The following MYPN variants were observed in gnomAD, a reference collection of about 807,000 sequenced individuals.
MYPN encodes the protein sarcomeric protein myopalladin, 145 kDa (MYOP).
Under a neutral mutation model 129.4 loss-of-function variants are expected in MYPN, and 63 were observed. That is an observed-to-expected ratio of 0.49 (90% CI 0.40 to 0.60). The LOEUF is 0.60. Ranked by LOEUF, MYPN falls within the 20% of genes least tolerant of loss-of-function variation. MYPN has a pLI of 0.00. For synonymous variants in MYPN, 629 were observed against 600.9 expected, an observed-to-expected ratio of 1.05 and a Z score of -0.68; for missense variants, 1,596 against 1,635.4, an observed-to-expected ratio of 0.98 and a Z score of 0.42.
At chr10:68,113,150 A>G (rs748076337) in intron 1 of MYPN, among the ~76,000 whole-genome samples, 1 of 152,246 alleles carries the variant, frequency 6.6e-6, no homozygotes, top group Non-Finnish European at 1.5e-5. Flanking sequence ...TCAAATTTGC[A>G]TAGTGCTCTA....
chr10:68,127,077 T>G (rs1451326022), intron 2 of MYPN, among the ~76,000 whole-genome samples: 1 of 152,092 alleles, frequency 6.6e-6, no homozygotes, highest in African/African-American at 2.4e-5. Flanking sequence ...CTCCACCTCC[T>G]GGGTTCAAGC....
At chr10:68,202,853 A>G (rs895135074) in intron 18 of MYPN, among the ~76,000 whole-genome samples, 6 of 151,254 alleles carry the variant, frequency 4.0e-5, no homozygotes, top group East Asian at 1.9e-4. Flanking sequence ...ATGTGTGTGT[A>G]TTGTGTGTGT....
chr10:68,189,347 T>G (rs1052142962), intron 13 of MYPN, among the ~76,000 whole-genome samples: 2 of 152,332 alleles, frequency 1.3e-5, no homozygotes, highest in South Asian at 2.1e-4. Flanking sequence ...CTCAAACATT[T>G]ATCTTTTTTG....
intron 6 of MYPN, among the ~76,000 whole-genome samples, chr10:68,156,173 C>T (rs1199485550): frequency 6.6e-6 from 1 of 152,152 alleles, no homozygotes; most frequent in Non-Finnish European, 1.5e-5. Flanking sequence ...TCTGCCACCA[C>T]CACCTTTTTT....
chr10:68,189,216 T>C, intron 13 of MYPN, 90 bp downstream of exon 13: 1 of 883,308 alleles, frequency 1.1e-6, no homozygotes, highest in Admixed American at 2.0e-5. Context: ...ATACGCAATG[T>C]TTTTTCTTCT....
chr10:68,116,622 G>A (rs1409784294), intron 1 of MYPN, among the ~76,000 whole-genome samples: 1 of 152,044 alleles, frequency 6.6e-6, no homozygotes, highest in East Asian at 1.9e-4. Flanking sequence ...TATAATCCCA[G>A]CCACTTGGGA....
Position 68,174,408 on chromosome 10 carries a change from C to T in MYPN, c.2316C>T (p.Thr772=). 6.2e-7 allele frequency: 1 copy of T among 1,614,138 alleles called. No individual in the cohort carries two copies. The highest frequency in any genetic ancestry group is 1.6e-4 in the Middle Eastern group (1 of 6,062). The part of the protein sequence containing the change: ...SLLVSHPSVQ[T]KSPGGLSIQN... ...TAGTGTCTCACCCCTCTGTGCAAAC[C>T]AAATCTCCAGGAGGGCTTTCCATCC... The change falls in exon 11 of 20, where the codon ACC becomes ACT. Residue 772 remains threonine (T), a synonymous_variant. Transcript: ENST00000358913.
chr10:68,091,962 A>G (rs73265231), intron 1 of MYPN, among the ~76,000 whole-genome samples: 11,671 of 151,952 alleles, frequency 0.077, 1,166 homozygotes, highest in African/African-American at 0.23. Context: ...AGTACTTGTA[A>G]TCCCAGTGCT....
In MYPN at chr10:68,180,247, G is replaced by A. The variant is rs139790159; in HGVS notation, c.2703+4786G>A. Among the ~76,000 whole-genome samples, 1,492 of 152,236 alleles carry A rather than the reference G, an allele frequency of 9.8e-3. 14 individuals carry two copies. Among genetic ancestry groups the A allele is most frequent in the Non-Finnish European group, 0.015 (1,018 of 68,016 alleles). ...AGGCTGGAGTGCAGAATGCAGTGGCGCATTCTCTGCTCACTGCAACCTTCA... is the reference window on the plus strand; with the variant it reads ...AGGCTGGAGTGCAGAATGCAGTGGCACATTCTCTGCTCACTGCAACCTTCA... On this transcript the variant is annotated intron_variant, in intron 12 of 19. Coordinates refer to ENST00000358913, the MANE Select transcript of MYPN (RefSeq NM_032578.4).
chr10:68,210,146 G>T lies in MYPN; in HGVS notation c.3794-140G>T. On this transcript the variant is annotated intron_variant, in intron 19 of 19. Transcript: ENST00000358913. ...TTTATTGTTCTCTTCTACAAACGAG[G>T]CAATTCAGACCCAGGTATAGTTATA... 3.4e-6 allele frequency: 3 copies of T among 880,936 alleles called. No individual in the cohort carries two copies. In the South Asian group the frequency reaches 4.9e-5, roughly 14 times the overall value. The allele number at this position is 880,936 out of a possible 1,614,324, so 54.6% of individuals were successfully genotyped here. A position where few individuals can be genotyped will look rare whatever the true frequency, so the allele number is the denominator to read the frequency against.
intron 8 of MYPN, among the ~76,000 whole-genome samples, chr10:68,164,827 G>A (rs1250116797): frequency 6.6e-6 from 1 of 152,168 alleles, no homozygotes; most frequent in Non-Finnish European, 1.5e-5. Context: ...TACAAAAGTA[G>A]AAATGCATTT....
intron 2 of MYPN, among the ~76,000 whole-genome samples, chr10:68,131,982 CT>C (rs1488974521): frequency 6.6e-6 from 1 of 152,062 alleles, no homozygotes; most frequent in African/African-American, 2.4e-5. Flanking sequence ...TGTGTTCTTC[CT>C]TTATAATCCT....
intron 13 of MYPN, among the ~76,000 whole-genome samples, chr10:68,192,669 C>T (rs78671884): frequency 0.13 from 19,001 of 151,812 alleles, 1,577 homozygotes; most frequent in Middle Eastern, 0.2. Context: ...GAGACTTTTT[C>T]GTTACTGCTT....
At chr10:68,119,519 T>C (rs2042209838) in intron 1 of MYPN, among the ~76,000 whole-genome samples, 1 of 152,002 alleles carries the variant, frequency 6.6e-6, no homozygotes, top group African/African-American at 2.4e-5. Flanking sequence ...CAAGTAATTA[T>C]CCTGTCTCAG....
At chr10:68,134,728 G>A (rs1331739356) in intron 2 of MYPN, among the ~76,000 whole-genome samples, 1 of 152,110 alleles carries the variant, frequency 6.6e-6, no homozygotes, top group Admixed American at 6.6e-5. Context: ...CTGGGAGGTG[G>A]AGGTTGCAGT....
chr10:68,209,671 CTTTTTT>C (rs35392300), intron 19 of MYPN, among the ~76,000 whole-genome samples: 2 of 131,238 alleles, frequency 1.5e-5, no homozygotes, highest in South Asian at 2.4e-4. Flanking sequence ...GAATTCTTTT[CTTTTTT>C]TTTTTTTTTT....
At chr10:68,165,945 T>A in intron 9 of MYPN, 127 bp downstream of exon 9, 1 of 909,010 alleles carries the variant, frequency 1.1e-6, no homozygotes, top group Non-Finnish European at 1.8e-6. Flanking sequence ...AGATTTGAAT[T>A]ATTGAGGAAA....
chr10:68,120,164 T>C (rs1328534448), intron 1 of MYPN, among the ~76,000 whole-genome samples: 1 of 152,040 alleles, frequency 6.6e-6, no homozygotes, highest in African/African-American at 2.4e-5. Flanking sequence ...AAAGTCAAGG[T>C]CAAGGGGAAA....
At chr10:68,117,147 G>A (rs543683352) in intron 1 of MYPN, among the ~76,000 whole-genome samples, 35 of 151,758 alleles carry the variant, frequency 2.3e-4, no homozygotes, top group Non-Finnish European at 3.2e-4. Flanking sequence ...TCGCTTGAAC[G>A]TGAGAGGTGG....
Sources: gnomAD v4.1 joint callset for allele counts (sites outside exome capture counted in the v4.1 genomes callset) on GRCh38, gnomAD v4.1.1 for gene constraint, MANE v1.5 for transcripts, NCBI Gene and HGNC (gene_info 2026-07-23, HGNC 2026-07-21) for gene names.